The following GRIK4 variants were observed in gnomAD, a reference collection of about 807,000 sequenced individuals.
GRIK4 encodes glutamate receptor ionotropic, kainate 4.
In GRIK4, 40 loss-of-function variants were observed where a neutral mutation model predicts 104.9. The ratio of observed to expected loss-of-function variants is 0.38; its 90% CI spans 0.30 to 0.50. The LOEUF (loss-of-function observed/expected upper bound fraction) is 0.50. Ranked by LOEUF, GRIK4 falls within the 20% of genes least tolerant of loss-of-function variation. The pLI, the probability that GRIK4 is intolerant of heterozygous loss-of-function variation, is 0.93. For missense variants in GRIK4, 1,047 were observed against 1,308.1 expected (o/e 0.80, Z 3.08); for synonymous variants, 485 against 524.9 (o/e 0.92, Z 1.04).
At chr11:120,656,627 G>A (rs1253165217) in intron 2 of GRIK4, among the ~76,000 whole-genome samples, 7 of 152,180 alleles carry the variant, frequency 4.6e-5, no homozygotes, top group Admixed American at 2.6e-4. Context: ...TTGGGAGGCC[G>A]AGGCGGGTGG....
chr11:120,661,348 A>C (rs1291726440), intron 3 of GRIK4, among the ~76,000 whole-genome samples: 2 of 152,174 alleles, frequency 1.3e-5, no homozygotes, highest in Non-Finnish European at 2.9e-5. Context: ...GCAGGGCCCC[A>C]AGGGTAGAGT....
chr11:120,725,192 C>G (rs1951007281), intron 3 of GRIK4, among the ~76,000 whole-genome samples: 1 of 152,136 alleles, frequency 6.6e-6, no homozygotes, highest in South Asian at 2.1e-4. Context: ...AGTTGAGAAC[C>G]ATTGCTCTTT....
At chr11:120,559,268 C>T (rs564669582) in intron 1 of GRIK4, among the ~76,000 whole-genome samples, 1 of 152,188 alleles carries the variant, frequency 6.6e-6, no homozygotes, top group Non-Finnish European at 1.5e-5. Context: ...CAGACTCCCT[C>T]GCTTCGGCTA....
chr11:120,905,316 G>T lies in GRIK4; in HGVS notation c.1299G>T (p.Gly433=). 1 of 1,613,710 alleles carries T rather than the reference G, an allele frequency of 6.2e-7. No individual in the cohort carries two copies. Among genetic ancestry groups the T allele is most frequent in the South Asian group, 1.1e-5 (1 of 91,072 alleles). ...AGAACCCATATTTAATGCTGAAGGG[G>T]AACCACCAGGAGATGGAAGGCAATG... The part of the protein sequence containing the change: ...ILENPYLMLK[G]NHQEMEGNDR... The change falls in exon 13 of 21, where the codon GGG becomes GGT. Residue 433 remains glycine (G), a synonymous_variant. Transcript: ENST00000527524. The surrounding 1 kb of genome is among the most constrained non-coding windows in gnomAD (Gnocchi z 5.1).
rs572433053 is a variant in GRIK4 at position 120,566,968 on chromosome 11, A to ATTT, written c.-159+55105_-159+55107dup. On this transcript the variant is annotated intron_variant, in intron 1 of 20. Transcript: ENST00000527524. ...GTGTTCCGCCCACCTCGGCCTCCTAATTTTTTTTTTTTTTTTTTTTTTTTT... is the reference window on the plus strand; with the variant it reads ...GTGTTCCGCCCACCTCGGCCTCCTAATTTTTTTTTTTTTTTTTTTTTTTTTTTT... Among the ~76,000 whole-genome samples the ATTT allele has an allele frequency of 6.6e-3, 660 of 99,704 alleles. 77 individuals are homozygous for ATTT. The highest frequency in any genetic ancestry group is 0.03 in the African/African-American group (613 of 20,378). The allele number at this position is 99,704 out of a possible 152,430, so 65.4% of individuals were successfully genotyped here.
chr11:120,612,009 C>T (rs192218221), intron 1 of GRIK4, among the ~76,000 whole-genome samples: 21 of 152,300 alleles, frequency 1.4e-4, no homozygotes, highest in East Asian at 9.7e-4. Context: ...CCTTGCAGGG[C>T]CGATTGTAAC....
chr11:120,581,875 C>T (rs1007675820), intron 1 of GRIK4, among the ~76,000 whole-genome samples: 8 of 151,456 alleles, frequency 5.3e-5, no homozygotes, highest in Non-Finnish European at 5.9e-5. Flanking sequence ...GGCGTGATCT[C>T]GGCTCACTGC....
chr11:120,834,906 G>A (rs964439800), intron 7 of GRIK4, among the ~76,000 whole-genome samples: 3 of 152,248 alleles, frequency 2.0e-5, no homozygotes, highest in Non-Finnish European at 4.4e-5. Flanking sequence ...GCCTGTCGCT[G>A]TAAGCAGCGG....
intron 4 of GRIK4, among the ~76,000 whole-genome samples, chr11:120,814,526 G>A (rs535051685): frequency 2.1e-4 from 32 of 152,226 alleles, no homozygotes; most frequent in African/African-American, 6.5e-4. Context: ...CCTGGGAGGC[G>A]GAGGTTGCAG....
intron 1 of GRIK4, among the ~76,000 whole-genome samples, chr11:120,586,833 T>C (rs1390632746): frequency 6.6e-6 from 1 of 152,084 alleles, no homozygotes; most frequent in African/African-American, 2.4e-5. Flanking sequence ...ATTCCTGATG[T>C]GTGGTTAGGA....
intron 13 of GRIK4, among the ~76,000 whole-genome samples, chr11:120,908,438 T>TAC (rs1169027238): frequency 0.037 from 1,258 of 34,130 alleles, 7 homozygotes; most frequent in Middle Eastern, 0.15. Context: ...CACACACACA[T>TAC]ACACACACAC....
At chr11:120,806,177 T>G (rs141532579) in intron 4 of GRIK4, among the ~76,000 whole-genome samples, 2 of 152,240 alleles carry the variant, frequency 1.3e-5, no homozygotes, top group Admixed American at 6.5e-5. Context: ...CACCCCACAT[T>G]TGAACGGGCT....
intron 3 of GRIK4, among the ~76,000 whole-genome samples, chr11:120,721,057 TAC>T (rs1950924946): frequency 6.6e-6 from 1 of 152,174 alleles, no homozygotes; most frequent in South Asian, 2.1e-4. Context: ...GTCAGGGTGC[TAC>T]ACACTGGAGG....
rs534988736 is a variant in GRIK4 at position 120,820,674 on chromosome 11, C to T, written c.511+754C>T. Among the ~76,000 whole-genome samples, 3 of 152,318 alleles carry T rather than the reference C, an allele frequency of 2.0e-5. No individual in the cohort carries two copies. In the South Asian group the frequency reaches 6.2e-4, roughly 32 times the overall value. ...CCAGGCACCTGTGTCCTGCGCAGCT[C>T]ACCTGTCCAGGGCTTACCTGGGGGT... On this transcript the variant is annotated intron_variant, in intron 6 of 20. Transcript: ENST00000527524.
At chr11:120,705,232 C>CTTT (rs902505786) in intron 3 of GRIK4, among the ~76,000 whole-genome samples, 7 of 139,084 alleles carry the variant, frequency 5.0e-5, no homozygotes, top group East Asian at 4.2e-4. Flanking sequence ...TCTTTCTTTT[C>CTTT]TTTTTTTTTT....
intron 18 of GRIK4, among the ~76,000 whole-genome samples, chr11:120,963,990 T>TATTC (rs1944339483): frequency 2.0e-4 from 2 of 9,814 alleles, no homozygotes; most frequent in Non-Finnish European, 3.3e-4. Flanking sequence ...TTTATTTATT[T>TATTC]ATTTATTTTT....
intron 11 of GRIK4, among the ~76,000 whole-genome samples, chr11:120,895,592 A>C (rs1942556184): frequency 3.9e-5 from 6 of 152,190 alleles, no homozygotes; most frequent in Admixed American, 3.9e-4. Context: ...TGAAGGGCAC[A>C]TTCGTATCCC....
intron 1 of GRIK4, among the ~76,000 whole-genome samples, chr11:120,607,004 A>G (rs987366763): frequency 2.6e-5 from 4 of 152,206 alleles, no homozygotes; most frequent in Non-Finnish European, 2.9e-5. Flanking sequence ...CTTAGAAGCC[A>G]CAAAGGTGAT....
chr11:120,865,664 A>T (rs1440745790), intron 9 of GRIK4, among the ~76,000 whole-genome samples: 2 of 152,094 alleles, frequency 1.3e-5, no homozygotes, highest in Non-Finnish European at 2.9e-5. Flanking sequence ...ACACACACAA[A>T]CTCAGTGTTA....
Sources: allele counts gnomAD v4.1 joint callset (sites outside exome capture counted in the v4.1 genomes callset), GRCh38; gene constraint gnomAD v4.1.1; non-coding constraint Gnocchi (gnomAD v3.1); transcripts MANE v1.5; gene names NCBI Gene and HGNC (gene_info 2026-07-23, HGNC 2026-07-21).